XYLT1: variants seen among roughly 807,000 people sequenced by gnomAD.
XYLT1 encodes the protein beta-D-xylosyltransferase 1.
In XYLT1, 36 loss-of-function variants were observed where a neutral mutation model predicts 91.3. The observed-to-expected ratio is 0.39, with a 90% confidence interval of 0.30 to 0.52. The LOEUF (loss-of-function observed/expected upper bound fraction) is 0.52, where lower values mean the gene tolerates loss of function less well. Ranked by LOEUF, XYLT1 falls within the 20% of genes least tolerant of loss-of-function variation. XYLT1 has a pLI of 0.68. For synonymous variants in XYLT1, 588 were observed against 532.0 expected (o/e 1.11, Z -1.45); for missense variants, 1,242 against 1,284.5 (o/e 0.97, Z 0.51).
chr16:17,393,115 C>T (rs1401852142), intron 1 of XYLT1, among the ~76,000 whole-genome samples: 3 of 152,140 alleles, frequency 2.0e-5, no homozygotes, highest in African/African-American at 7.2e-5. Flanking sequence ...AGGCCAGATC[C>T]TCCAGCGACT....
intron 3 of XYLT1, among the ~76,000 whole-genome samples, chr16:17,213,800 AGT>A (rs1256604294): frequency 6.6e-6 from 1 of 151,902 alleles, no homozygotes; most frequent in Non-Finnish European, 1.5e-5. Context: ...TTGTATTTTT[AGT>A]AGAGACAGTT....
chr16:17,132,216 G>A (rs141594107), intron 9 of XYLT1, among the ~76,000 whole-genome samples: 3 of 152,116 alleles, frequency 2.0e-5, no homozygotes, highest in Admixed American at 1.3e-4. Flanking sequence ...GACTAGCAGT[G>A]GGGGGGAGAG....
intron 5 of XYLT1, among the ~76,000 whole-genome samples, chr16:17,168,541 C>T (rs376509009): frequency 2.8e-4 from 42 of 152,158 alleles, no homozygotes; most frequent in African/African-American, 1.0e-3. Flanking sequence ...CAGCATCACA[C>T]AATATACCCC....
chr16:17,250,838 T>C (rs1283554008), intron 3 of XYLT1: 2 of 152,290 alleles, frequency 1.3e-5, no homozygotes, highest in African/African-American at 2.4e-5. Flanking sequence ...TCCTGGTCAA[T>C]GTGGCTTCAT....
intron 2 of XYLT1, among the ~76,000 whole-genome samples, chr16:17,294,416 C>A (rs192200401): frequency 6.6e-6 from 1 of 152,134 alleles, no homozygotes; most frequent in South Asian, 2.1e-4. Context: ...AAGCAGAGTG[C>A]GCATAACTAA....
chr16:17,455,646 T>C (rs1025507532), intron 1 of XYLT1, among the ~76,000 whole-genome samples: 14 of 152,100 alleles, frequency 9.2e-5, no homozygotes, highest in African/African-American at 1.2e-4. Flanking sequence ...TAAATTGTTT[T>C]CCTCTATTAT....
At chr16:17,131,625 C>A (rs2030480708) in intron 9 of XYLT1, among the ~76,000 whole-genome samples, 1 of 152,102 alleles carries the variant, frequency 6.6e-6, no homozygotes, top group Admixed American at 6.5e-5. Flanking sequence ...AGATTATATG[C>A]AAACTTTACT....
At chr16:17,137,063 TGA>T (rs1425770648) in intron 8 of XYLT1, among the ~76,000 whole-genome samples, 2 of 152,002 alleles carry the variant, frequency 1.3e-5, no homozygotes, top group African/African-American at 4.8e-5. Flanking sequence ...AGGGAAGATG[TGA>T]GTTTAGGCAG....
intron 5 of XYLT1, among the ~76,000 whole-genome samples, chr16:17,178,093 G>A (rs529746309): frequency 9.5e-4 from 143 of 149,968 alleles, no homozygotes; most frequent in African/African-American, 3.4e-3. Flanking sequence ...TAAGAAAACC[G>A]GTATGCTCTG....
rs540260811 is a variant in XYLT1, at chr16:17,395,645, GAAC to G, written c.364-37598_364-37596del. Among the ~76,000 whole-genome samples, 70 of 152,272 alleles carry G rather than the reference GAAC, an allele frequency of 4.6e-4. 2 individuals are homozygous for G. In the South Asian group the frequency reaches 0.013, roughly 29 times the overall value. On this transcript the variant is annotated intron_variant, in intron 1 of 11. Coordinates refer to ENST00000261381, the MANE Select transcript of XYLT1 (RefSeq NM_022166.4). ...TTTGAGCTCTGCTCACAGAAGTACA[GAAC>G]AACACAGGTGCCCCTGTTAAACTGA... is the stretch of plus-strand genomic sequence containing the variant.
At chr16:17,415,488 A>G (rs900151869) in intron 1 of XYLT1, among the ~76,000 whole-genome samples, 20 of 152,176 alleles carry the variant, frequency 1.3e-4, no homozygotes, top group Non-Finnish European at 2.8e-4. Context: ...TCAGGAGTTC[A>G]AGACCACCCT....
intron 1 of XYLT1, among the ~76,000 whole-genome samples, chr16:17,402,484 T>C (rs952532893): frequency 6.6e-6 from 1 of 152,172 alleles, no homozygotes; most frequent in African/African-American, 2.4e-5. Context: ...TTTTAAAAGA[T>C]AGTTTACAAC....
chr16:17,446,633 C>T (rs2141946359), intron 1 of XYLT1, among the ~76,000 whole-genome samples: 1 of 152,318 alleles, frequency 6.6e-6, no homozygotes, highest in African/African-American at 2.4e-5. Context: ...TTCAGAAACA[C>T]CCATGTCTTC....
At chr16:17,363,399 A>C (rs563369252) in intron 1 of XYLT1, among the ~76,000 whole-genome samples, 3 of 152,226 alleles carry the variant, frequency 2.0e-5, no homozygotes, top group Non-Finnish European at 4.4e-5. Flanking sequence ...TGGAGGTTGA[A>C]AGTCCAAGGT....
At chr16:17,467,874 C>G (rs1177330712) in intron 1 of XYLT1, among the ~76,000 whole-genome samples, 1 of 152,132 alleles carries the variant, frequency 6.6e-6, no homozygotes, top group Non-Finnish European at 1.5e-5. Context: ...CAACAGAGCA[C>G]TGAGCTAAAG....
intron 2 of XYLT1, among the ~76,000 whole-genome samples, chr16:17,317,915 T>C (rs2034660445): frequency 6.6e-6 from 1 of 152,186 alleles, no homozygotes; most frequent in Non-Finnish European, 1.5e-5. Flanking sequence ...TGCTTTTCCC[T>C]GCATCCTTGA....
At chr16:17,235,009 C>T (rs2033225270) in intron 3 of XYLT1, among the ~76,000 whole-genome samples, 1 of 151,610 alleles carries the variant, frequency 6.6e-6, no homozygotes, top group Non-Finnish European at 1.5e-5. Flanking sequence ...TGTCATCTGT[C>T]TCCTGGTTAT....
Position 17,349,786 on chromosome 16 carries a change from T to C in XYLT1, c.402+8226A>G, listed in dbSNP as rs191552095. Among the ~76,000 whole-genome samples, 5 of 152,124 alleles carry C rather than the reference T, an allele frequency of 3.3e-5. No homozygotes were observed. In the South Asian group the frequency reaches 8.3e-4, roughly 25 times the overall value. On this transcript the variant is annotated intron_variant, in intron 2 of 11. Transcript: ENST00000261381. ...GTATAAATGCTTAATTCATGTTACA[T>C]AAAAGTGCTAAATTTATGAATGCAT... is the stretch of plus-strand genomic sequence containing the variant.
At chr16:17,230,995 A>T (rs998860067) in intron 3 of XYLT1, among the ~76,000 whole-genome samples, 15 of 152,202 alleles carry the variant, frequency 9.9e-5, no homozygotes, top group African/African-American at 3.6e-4. Flanking sequence ...CACAGTTGAA[A>T]AACCCTGAGC....
Sources: gnomAD v4.1 joint callset for allele counts (sites outside exome capture counted in the v4.1 genomes callset) on GRCh38, gnomAD v4.1.1 for gene constraint, MANE v1.5 for transcripts, NCBI Gene and HGNC (gene_info 2026-07-23, HGNC 2026-07-21) for gene names.